UBE2E1: variants seen among roughly 807,000 people sequenced by gnomAD.
UBE2E1 encodes the protein ubiquitin-conjugating enzyme E2 E1.
A neutral mutation model predicts 21.4 loss-of-function variants in UBE2E1; 6 were observed. The observed-to-expected ratio is 0.28, with a 90% confidence interval of 0.15 to 0.55. The LOEUF (loss-of-function observed/expected upper bound fraction) is 0.55, where lower values mean the gene tolerates loss of function less well. UBE2E1 is among the 20% of genes least tolerant of loss of function. The probability of loss-of-function intolerance (pLI) is 0.93; values close to 1 mark genes in which losing one functional copy is unlikely to be tolerated. For synonymous variants in UBE2E1, 87 were observed against 82.7 expected (o/e 1.05, Z -0.28); for missense variants, 142 against 236.5 (o/e 0.60, Z 2.62).
chr3:23,850,887 C>T (rs1158730018), intron 3 of UBE2E1, among the ~76,000 whole-genome samples: 6 of 145,120 alleles, frequency 4.1e-5, no homozygotes, highest in African/African-American at 1.0e-4. Context: ...CCGTGTTGCC[C>T]GTTGCCCAGA....
Position 23,810,665 on chromosome 3 carries a change from C to G in UBE2E1, c.153-795C>G, listed in dbSNP as rs927843676. 2.5e-6 allele frequency: 2 copies of G among 803,016 alleles called. No individual in the cohort carries two copies. The highest frequency in any genetic ancestry group is 3.7e-6 in the Non-Finnish European group (2 of 542,796). The allele number at this position is 803,016 out of a possible 1,614,324, so 49.7% of individuals were successfully genotyped here. A position where few individuals can be genotyped will look rare whatever the true frequency, so the allele number is the denominator to read the frequency against. ...GGCGGGGGTGTTCGCGCCCTGCTTT[C>G]GCGCGCGGTCTCGGGCCAAGGTTCT... On this transcript the variant is annotated intron_variant, in intron 2 of 5. Coordinates refer to ENST00000306627, the MANE Select transcript of UBE2E1 (RefSeq NM_003341.5). This position sits in a 1 kb window ranked among gnomAD's most constrained non-coding sequence, Gnocchi z 5.8.
intron 3 of UBE2E1, among the ~76,000 whole-genome samples, chr3:23,814,903 C>A (rs1386901319): frequency 2.0e-5 from 3 of 152,186 alleles, no homozygotes; most frequent in Non-Finnish European, 4.4e-5. Context: ...CCTAGAAATT[C>A]AGATGGGGTG....
intron 3 of UBE2E1, among the ~76,000 whole-genome samples, chr3:23,821,235 A>C (rs952588861): frequency 2.6e-5 from 4 of 152,202 alleles, no homozygotes. Context: ...GAGTGCAGTG[A>C]TGGAGAATAA....
At chr3:23,866,308 GC>G (rs1372373702) in intron 3 of UBE2E1, 1 of 152,368 alleles carries the variant, frequency 6.6e-6, no homozygotes, top group African/African-American at 2.4e-5. Flanking sequence ...GCTTCACAGA[GC>G]ATTGAGCAGT....
intron 3 of UBE2E1, among the ~76,000 whole-genome samples, chr3:23,884,069 A>G (rs1023308388): frequency 6.6e-6 from 1 of 152,096 alleles, no homozygotes; most frequent in African/African-American, 2.4e-5. Context: ...TTCACTTAGC[A>G]TTTAATTATT....
intron 3 of UBE2E1, chr3:23,866,241 C>G (rs748967331): frequency 3.9e-5 from 6 of 152,480 alleles, no homozygotes; most frequent in Non-Finnish European, 7.3e-5. Flanking sequence ...CCTGGTAGTT[C>G]TGAGTTGTGG....
chr3:23,819,746 T>C (rs1432842640), intron 3 of UBE2E1, among the ~76,000 whole-genome samples: 1 of 152,242 alleles, frequency 6.6e-6, no homozygotes, highest in Non-Finnish European at 1.5e-5. Context: ...TGTCCATTGC[T>C]GGCAGTCTTT....
intron 3 of UBE2E1, among the ~76,000 whole-genome samples, chr3:23,833,039 GT>G (rs1224660669): frequency 1.3e-5 from 2 of 152,014 alleles, no homozygotes; most frequent in African/African-American, 4.8e-5. Flanking sequence ...GTCTCAAAAA[GT>G]GGGAGAAAAA....
At chr3:23,838,936 CT>C (rs765269749) in intron 3 of UBE2E1, among the ~76,000 whole-genome samples, 1 of 147,776 alleles carries the variant, frequency 6.8e-6, no homozygotes, top group Admixed American at 6.7e-5. Flanking sequence ...CCAGCTATAA[CT>C]TTTTTTGTTT....
In UBE2E1 at chr3:23,887,496, A is replaced by T; in HGVS notation, c.204-71A>T. 1 of 1,502,444 alleles carries T rather than the reference A, an allele frequency of 6.7e-7. No homozygotes were observed. Among genetic ancestry groups the T allele is most frequent in the African/African-American group, 1.4e-5 (1 of 71,488 alleles). The allele number at this position is 1,502,444 out of a possible 1,614,324, so 93.1% of individuals were successfully genotyped here. A position where few individuals can be genotyped will look rare whatever the true frequency, so the allele number is the denominator to read the frequency against. ...AAGAGAGGAGAGAGGTAATCTTTCC[A>T]TCTCTTTTAATACACTGTAAAAATT... On this transcript the variant is annotated intron_variant, in intron 3 of 5. Coordinates refer to ENST00000306627, the MANE Select transcript of UBE2E1 (RefSeq NM_003341.5). The surrounding 1 kb of genome is among the most constrained non-coding windows in gnomAD (Gnocchi z 4.4).
chr3:23,890,746 A>T lies in UBE2E1; in HGVS notation c.*140A>T. The T allele has an allele frequency of 1.4e-6, 1 of 735,328 alleles. No individual in the cohort carries two copies. 45.6% of individuals were successfully genotyped at this position (735,328 alleles called of 1,614,324 possible). The stretch of plus-strand genomic sequence containing the variant: ...ATATTATTCAGTCTTATTTCCTAAG[A>T]TTTTGTTGTAACTTAAGGTATCTTG... On this transcript the variant is annotated 3_prime_UTR_variant, in exon 6 of 6. Transcript: ENST00000306627.
chr3:23,837,664 T>C (rs1469644922), intron 3 of UBE2E1, among the ~76,000 whole-genome samples: 1 of 152,222 alleles, frequency 6.6e-6, no homozygotes, highest in Non-Finnish European at 1.5e-5. Flanking sequence ...TTATAAAGCG[T>C]TGGAGATAGT....
chr3:23,821,526 G>A (rs921718543), intron 3 of UBE2E1, among the ~76,000 whole-genome samples: 3 of 152,244 alleles, frequency 2.0e-5, no homozygotes, highest in Non-Finnish European at 4.4e-5. Flanking sequence ...AGTGGAAGAA[G>A]GGAGACCAGA....
At chr3:23,865,997 C>T (rs1700648617) in intron 3 of UBE2E1, among the ~76,000 whole-genome samples, 1 of 152,098 alleles carries the variant, frequency 6.6e-6, no homozygotes, top group Non-Finnish European at 1.5e-5. Context: ...ACAGCAGGAC[C>T]AAGGATTCGC....
At chr3:23,832,111 T>C (rs1473379) in intron 3 of UBE2E1, among the ~76,000 whole-genome samples, 71,333 of 152,132 alleles carry the variant, frequency 0.47, 16,936 homozygotes, top group African/African-American at 0.53. Flanking sequence ...ATGGATCATG[T>C]CAGCCATCTA....
intron 3 of UBE2E1, among the ~76,000 whole-genome samples, chr3:23,831,518 C>CTTT (rs11430039): frequency 0.029 from 4,029 of 137,190 alleles, 253 homozygotes; most frequent in African/African-American, 0.1. Flanking sequence ...AAAATGAATA[C>CTTT]TTTTTTTTTT....
In UBE2E1 at chr3:23,809,487, A is replaced by G. The variant is rs201639972; in HGVS notation, c.153-1973A>G. ...AAAGTGGTTTCTAAACCGTGGGTAGAGGAAAGCCCCCATTGCAAGTGGTCT... is the reference window on the plus strand; with the variant it reads ...AAAGTGGTTTCTAAACCGTGGGTAGGGGAAAGCCCCCATTGCAAGTGGTCT... On this transcript the variant is annotated intron_variant, in intron 2 of 5. Coordinates refer to ENST00000306627, the MANE Select transcript of UBE2E1 (RefSeq NM_003341.5). Among the ~76,000 whole-genome samples the G allele has an allele frequency of 4.6e-5, 7 of 152,354 alleles. No homozygotes were observed. In the East Asian group the frequency reaches 1.3e-3, roughly 29 times the overall value.
At chr3:23,874,070 C>T (rs1700862901) in intron 3 of UBE2E1, among the ~76,000 whole-genome samples, 1 of 152,224 alleles carries the variant, frequency 6.6e-6, no homozygotes, top group Admixed American at 6.5e-5. Context: ...ACTGACCTAG[C>T]AGCCCCCTGA....
At chr3:23,813,003 AAAAC>A (rs1048227046) in intron 3 of UBE2E1, among the ~76,000 whole-genome samples, 8 of 152,084 alleles carry the variant, frequency 5.3e-5, no homozygotes, top group African/African-American at 1.9e-4. Context: ...TTAAAAAAAA[AAAAC>A]AGTGTAAGTA....
Sources: gnomAD v4.1 joint callset for allele counts (sites outside exome capture counted in the v4.1 genomes callset) on GRCh38, gnomAD v4.1.1 for gene constraint, Gnocchi (gnomAD v3.1) non-coding constraint, MANE v1.5 for transcripts, NCBI Gene and HGNC (gene_info 2026-07-23, HGNC 2026-07-21) for gene names.